Variants in NFYC observed in about 807,000 individuals in gnomAD.
NFYC encodes CAAT box DNA-binding protein subunit C.
NFYC carries 25 observed loss-of-function variants against 53.1 expected under a neutral mutation model. The ratio of observed to expected loss-of-function variants is 0.47; its 90% CI spans 0.34 to 0.66. NFYC has a LOEUF of 0.66. Ranked by LOEUF, NFYC falls within the 30% of genes least tolerant of loss-of-function variation. The probability of loss-of-function intolerance (pLI) is 0.01; values close to 1 mark genes in which losing one functional copy is unlikely to be tolerated. For synonymous variants in NFYC, 145 were observed against 152.6 expected (o/e 0.95, Z 0.37); for missense variants, 260 against 422.7 (o/e 0.62, Z 3.38).
intron 1 of NFYC, among the ~76,000 whole-genome samples, chr1:40,730,195 CTTT>C (rs34045698): frequency 3.0e-3 from 306 of 101,994 alleles, no homozygotes; most frequent in African/African-American, 0.011. Context: ...TCTTTCTTTT[CTTT>C]TTTTTTTTTT....
intron 1 of NFYC, chr1:40,712,279 C>T (rs557065150): frequency 7.9e-5 from 12 of 152,208 alleles, no homozygotes; most frequent in African/African-American, 2.2e-4. Flanking sequence ...TATGTTGAGA[C>T]CACCAGTCCT....
At chr1:40,746,890 GCTGA>G (rs1645632618) in intron 2 of NFYC, among the ~76,000 whole-genome samples, 1 of 152,150 alleles carries the variant, frequency 6.6e-6, no homozygotes, top group African/African-American at 2.4e-5. Context: ...CTAAAAGGCA[GCTGA>G]CAAATTCACC....
intron 4 of NFYC, among the ~76,000 whole-genome samples, chr1:40,750,947 A>T (rs1645880584): frequency 6.6e-6 from 1 of 152,216 alleles, no homozygotes; most frequent in Admixed American, 6.5e-5. Flanking sequence ...ATTGCTGGTC[A>T]GAATCTAAAG....
Position 40,770,534 on chromosome 1 carries a change from C to G in NFYC, c.889-175C>G. On this transcript the variant is annotated intron_variant, in intron 9 of 9. Coordinates refer to ENST00000447388, the MANE Select transcript of NFYC (RefSeq NM_014223.5). This position sits in a 1 kb window ranked among gnomAD's most constrained non-coding sequence, Gnocchi z 5.3. ...ACCCCCCCTCACACCGGGCTGGTGC[C>G]TCCTGTGTCTGCTGCTCCCAACCCC... 6 of 1,568,036 alleles carry G rather than the reference C, an allele frequency of 3.8e-6. No individual in the cohort carries two copies. The highest frequency in any genetic ancestry group is 5.2e-6 in the Non-Finnish European group (6 of 1,156,302).
intron 6 of NFYC, 109 bp from the exon 7 acceptor site, chr1:40,762,779 A>G (rs1346311891): frequency 2.9e-6 from 3 of 1,030,254 alleles, no homozygotes; most frequent in African/African-American, 3.3e-5. Flanking sequence ...GACCTTAGGC[A>G]TTCATGGAGA....
intron 1 of NFYC, among the ~76,000 whole-genome samples, chr1:40,694,424 TGAAGCC>T (rs1260605463): frequency 6.6e-6 from 1 of 152,216 alleles, no homozygotes; most frequent in Non-Finnish European, 1.5e-5. Flanking sequence ...TGTGCTTAGG[TGAAGCC>T]CTCCCTCATT....
At chr1:40,707,671 A>T (rs902475160) in intron 1 of NFYC, among the ~76,000 whole-genome samples, 3 of 151,220 alleles carry the variant, frequency 2.0e-5, no homozygotes, top group Non-Finnish European at 2.9e-5. Flanking sequence ...AAAAAACAAG[A>T]AAAGAAAGAA....
chr1:40,693,742 TA>T (rs1426031184), intron 1 of NFYC, among the ~76,000 whole-genome samples: 1 of 152,248 alleles, frequency 6.6e-6, no homozygotes, highest in Non-Finnish European at 1.5e-5. Flanking sequence ...TTTTATCTGC[TA>T]CATCAGCTAT....
chr1:40,712,070 T>A (rs957146727), intron 1 of NFYC, among the ~76,000 whole-genome samples: 2 of 152,202 alleles, frequency 1.3e-5, no homozygotes, highest in African/African-American at 4.8e-5. Context: ...TGTGAAGAGC[T>A]ACATAATATT....
Position 40,703,480 on chromosome 1 carries a change from T to TAAAAAAAAA in NFYC, c.-9+11619_-9+11627dup, listed in dbSNP as rs57102599. Among the ~76,000 whole-genome samples, 79 of 97,688 alleles carry TAAAAAAAAA rather than the reference T, an allele frequency of 8.1e-4. 12 individuals carry two copies. The highest frequency in any genetic ancestry group is 1.9e-3 in the South Asian group (6 of 3,164). The allele number at this position is 97,688 out of a possible 152,430, so 64.1% of individuals were successfully genotyped here. ...GTACTCCAGCCTGGGCAATTAGCCC[T>TAAAAAAAAA]AAAAAAAAAAAAAAGAATATGAAGC... On this transcript the variant is annotated intron_variant, in intron 1 of 9. Coordinates refer to ENST00000447388, the MANE Select transcript of NFYC (RefSeq NM_014223.5).
At chr1:40,707,069 C>T (rs1643727335) in intron 1 of NFYC, among the ~76,000 whole-genome samples, 1 of 151,798 alleles carries the variant, frequency 6.6e-6, no homozygotes, top group Admixed American at 6.6e-5. Context: ...ACTCGGGAGG[C>T]CGAGGCATGA....
chr1:40,752,574 C>G (rs996228957), intron 4 of NFYC, among the ~76,000 whole-genome samples: 5 of 152,050 alleles, frequency 3.3e-5, no homozygotes, highest in East Asian at 1.9e-4. Flanking sequence ...TCAGAATTCT[C>G]ACAAGCTATG....
intron 1 of NFYC, among the ~76,000 whole-genome samples, chr1:40,723,017 C>A (rs78099581): frequency 0.019 from 2,826 of 152,234 alleles, 94 homozygotes; most frequent in African/African-American, 0.064. Context: ...GTATTGTGAT[C>A]TTGAGCAAGT....
chr1:40,744,923 A>C (rs1339556344), intron 2 of NFYC, among the ~76,000 whole-genome samples: 2 of 152,238 alleles, frequency 1.3e-5, no homozygotes, highest in Non-Finnish European at 2.9e-5. Context: ...GGATAGGATT[A>C]TAGAAAACTG....
At chr1:40,707,165 G>C (rs890198371) in intron 1 of NFYC, among the ~76,000 whole-genome samples, 2 of 149,112 alleles carry the variant, frequency 1.3e-5, no homozygotes, top group Admixed American at 1.3e-4. Context: ...GGGAGACTCT[G>C]CCTCAAAAAA....
rs1642889011 is a variant in NFYC, at chr1:40,692,595, G to A, written c.-9+728G>A. On this transcript the variant is annotated intron_variant, in intron 1 of 9. Transcript: ENST00000447388. ...ATGGTGTAGGAAGAAAGGCATCAGG[G>A]CTAGGGGCATAGCTGAACGGTAGAA... Among the ~76,000 whole-genome samples, 2 of 152,148 alleles carry A rather than the reference G, an allele frequency of 1.3e-5. 1 individual carries two copies. Among genetic ancestry groups the A allele is most frequent in the South Asian group, 4.1e-4 (2 of 4,830 alleles).
At chr1:40,766,533 A>G in intron 7 of NFYC, 63 bp from the exon 8 acceptor site, 1 of 1,239,860 alleles carries the variant, frequency 8.1e-7, no homozygotes, top group South Asian at 1.4e-5. Context: ...GGTCATGGAA[A>G]GTTTGCCTGT....
chr1:40,756,992 T>A (rs1433116526), intron 5 of NFYC, among the ~76,000 whole-genome samples: 5 of 152,162 alleles, frequency 3.3e-5, no homozygotes. Context: ...GGGGATGGGG[T>A]CAATACCAGC....
chr1:40,763,449 C>T lies in NFYC; in HGVS notation c.720+403C>T, dbSNP rs183318355. On this transcript the variant is annotated intron_variant, in intron 7 of 9. Transcript: ENST00000447388. ...GCAGCTTCCGCCTCCCAGGTTCAAG[C>T]GATTCTCCTGCCTCAGCCTCCCGAG... 124 of 453,224 alleles carry T rather than the reference C, an allele frequency of 2.7e-4. 1 individual carries two copies. The highest frequency in any genetic ancestry group is 2.1e-3 in the African/African-American group (105 of 50,018). The allele number at this position is 453,224 out of a possible 1,614,324, so 28.1% of individuals were successfully genotyped here.
Sources: gnomAD v4.1 joint callset for allele counts (sites outside exome capture counted in the v4.1 genomes callset) on GRCh38, gnomAD v4.1.1 for gene constraint, Gnocchi (gnomAD v3.1) non-coding constraint, MANE v1.5 for transcripts, NCBI Gene and HGNC (gene_info 2026-07-23, HGNC 2026-07-21) for gene names.